The following PRELID2 variants were observed in gnomAD, a reference collection of about 807,000 sequenced individuals.
PRELID2 encodes the protein PRELI domain-containing protein 2.
Under a neutral mutation model 28.4 loss-of-function variants are expected in PRELID2, and 25 were observed. The observed-to-expected ratio is 0.88, with a 90% confidence interval of 0.64 to 1.23. The LOEUF (loss-of-function observed/expected upper bound fraction) is 1.23, where lower values mean the gene tolerates loss of function less well. Ranked by LOEUF, PRELID2 falls within the 50% of genes most tolerant of loss-of-function variation. The pLI, the probability that PRELID2 is intolerant of heterozygous loss-of-function variation, is 0.00. For synonymous variants in PRELID2, 76 were observed against 71.6 expected (o/e 1.06, Z -0.31); for missense variants, 201 against 214.4 (o/e 0.94, Z 0.39).
the PRELID2 span, among the ~76,000 whole-genome samples, chr5:145,438,977 G>C: frequency 6.6e-6 from 1 of 152,124 alleles, no homozygotes; most frequent in African/African-American, 2.4e-5. Context: ...CAGCGATGCT[G>C]TCAGCTTCTT....
intron 1 of PRELID2, among the ~76,000 whole-genome samples, chr5:145,529,847 C>T (rs1442453793): frequency 6.6e-6 from 1 of 152,158 alleles, no homozygotes; most frequent in Non-Finnish European, 1.5e-5. Flanking sequence ...TGAGAAATGT[C>T]TGATCCCTAC....
At chr5:145,595,427 T>C (rs1423103451) in intron 1 of PRELID2, among the ~76,000 whole-genome samples, 1 of 152,112 alleles carries the variant, frequency 6.6e-6, no homozygotes. Context: ...AAAATTATCA[T>C]AGACAATATA....
chr5:145,307,480 A>G, the PRELID2 span, among the ~76,000 whole-genome samples: 1 of 152,178 alleles, frequency 6.6e-6, no homozygotes, highest in Non-Finnish European at 1.5e-5. Flanking sequence ...CACCCTCAAC[A>G]TGTCAATCCT....
At chr5:145,626,779 T>G (rs1753851555) in intron 1 of PRELID2, among the ~76,000 whole-genome samples, 1 of 152,070 alleles carries the variant, frequency 6.6e-6, no homozygotes, top group Non-Finnish European at 1.5e-5. Flanking sequence ...AACCTAAGTA[T>G]CCATCAACAG....
At chr5:145,428,080 TC>T in the PRELID2 span, among the ~76,000 whole-genome samples, 1 of 152,160 alleles carries the variant, frequency 6.6e-6, no homozygotes, top group South Asian at 2.1e-4. Flanking sequence ...TGCCTCAGCA[TC>T]CGGAGTAGCT....
chr5:145,264,994 A>G, the PRELID2 span, among the ~76,000 whole-genome samples: 524 of 145,360 alleles, frequency 3.6e-3, 18 homozygotes, highest in Admixed American at 0.034. Context: ...AAAAAAAAAA[A>G]GGTAAAGAGT....
intron 1 of PRELID2, among the ~76,000 whole-genome samples, chr5:145,737,822 G>A (rs996925930): frequency 3.3e-5 from 5 of 152,222 alleles, no homozygotes; most frequent in African/African-American, 1.2e-4. Context: ...TGTTGCCAGA[G>A]AAGACCTAGT....
the PRELID2 span, among the ~76,000 whole-genome samples, chr5:145,335,008 T>C: frequency 6.6e-6 from 1 of 152,154 alleles, no homozygotes; most frequent in African/African-American, 2.4e-5. Context: ...CATCCTACCC[T>C]TCCCAATATT....
At chr5:145,514,514 T>G (rs116726984) in intron 1 of PRELID2, among the ~76,000 whole-genome samples, 3,299 of 152,158 alleles carry the variant, frequency 0.022, 125 homozygotes, top group African/African-American at 0.076. Context: ...TCATAAGACC[T>G]ACAAACAGAT....
At chr5:145,585,848 C>T (rs2149627752) in intron 1 of PRELID2, among the ~76,000 whole-genome samples, 1 of 152,176 alleles carries the variant, frequency 6.6e-6, no homozygotes, top group East Asian at 1.9e-4. Context: ...ACCGAAAAGC[C>T]TTGGCACACC....
At chr5:145,419,161 G>C in the PRELID2 span, among the ~76,000 whole-genome samples, 1 of 150,464 alleles carries the variant, frequency 6.6e-6, no homozygotes, top group Non-Finnish European at 1.5e-5. Context: ...CCAAGTCTTT[G>C]CTATTGTGAA....
At chr5:145,384,840 C>T in the PRELID2 span, among the ~76,000 whole-genome samples, 1 of 152,110 alleles carries the variant, frequency 6.6e-6, no homozygotes, top group Non-Finnish European at 1.5e-5. Flanking sequence ...CACTCTGCCA[C>T]GAGGAGAGCA....
chr5:145,446,495 C>T, the PRELID2 span, among the ~76,000 whole-genome samples: 1 of 152,110 alleles, frequency 6.6e-6, no homozygotes, highest in East Asian at 1.9e-4. Flanking sequence ...GTAGTAGAAA[C>T]CTTAAGAATA....
intron 1 of PRELID2, among the ~76,000 whole-genome samples, chr5:145,621,585 C>T (rs1340534316): frequency 1.3e-5 from 2 of 152,108 alleles, no homozygotes; most frequent in Non-Finnish European, 2.9e-5. Flanking sequence ...GAATGAACTG[C>T]TGATACACAT....
the PRELID2 span, among the ~76,000 whole-genome samples, chr5:145,449,886 G>C: frequency 1.3e-5 from 2 of 152,090 alleles, no homozygotes; most frequent in Non-Finnish European, 2.9e-5. Context: ...GCCTAGAACA[G>C]GGCCTGCCGT....
chr5:145,788,588 G>A (rs1358459669), intron 5 of PRELID2, among the ~76,000 whole-genome samples: 1 of 152,120 alleles, frequency 6.6e-6, no homozygotes, highest in African/African-American at 2.4e-5. Flanking sequence ...CATGCACACA[G>A]ATAGACAACT....
chr5:145,413,611 T>TACACACACACACACACAC, the PRELID2 span, among the ~76,000 whole-genome samples: 1 of 140,062 alleles, frequency 7.1e-6, no homozygotes, highest in African/African-American at 2.6e-5. Flanking sequence ...ATGAAGAAAA[T>TACACACACACACACACAC]ACACACACAC....
At chr5:145,554,150 G>C (rs551028730) in intron 1 of PRELID2, among the ~76,000 whole-genome samples, 31 of 152,312 alleles carry the variant, frequency 2.0e-4, no homozygotes, top group African/African-American at 6.0e-4. Flanking sequence ...TAGACTGATA[G>C]ATGAGAATCA....
chr5:145,383,347 CAT>C, the PRELID2 span, among the ~76,000 whole-genome samples: 9 of 143,038 alleles, frequency 6.3e-5, no homozygotes, highest in South Asian at 2.2e-4. Flanking sequence ...CACACACACA[CAT>C]ACACACGTCC....
Sources: gnomAD v4.1 joint callset for allele counts (sites outside exome capture counted in the v4.1 genomes callset) on GRCh38, gnomAD v4.1.1 for gene constraint, MANE v1.5 for transcripts, NCBI Gene and HGNC (gene_info 2026-07-23, HGNC 2026-07-21) for gene names.